The following CIZ1 variants were observed in gnomAD, a reference collection of about 807,000 sequenced individuals.
CIZ1 encodes the protein cip1-interacting zinc finger protein.
A neutral mutation model predicts 118.6 loss-of-function variants in CIZ1; 58 were observed. The observed-to-expected ratio is 0.49, with a 90% CI of 0.40 to 0.61. CIZ1 has a LOEUF of 0.61. CIZ1 is among the 20% of genes least tolerant of loss of function. The probability of loss-of-function intolerance (pLI) is 0.00; values close to 1 mark genes in which losing one functional copy is unlikely to be tolerated. For missense variants in CIZ1, 921 were observed against 1,115.9 expected (o/e 0.83, Z 2.49); for synonymous variants, 448 against 443.4 (o/e 1.01, Z -0.13).
Position 128,203,401 on chromosome 9 carries a change from G to A in CIZ1, c.-6+785C>T. On this transcript the variant is annotated intron_variant, in intron 1 of 17. Coordinates refer to the CIZ1 transcript ENST00000372948. This position sits in a 1 kb window ranked among gnomAD's most constrained non-coding sequence, Gnocchi z 5.3. The stretch of plus-strand genomic sequence containing the variant: ...GGCAGTCTGGGCGCGCGGCTGCAGC[G>A]GCGGAGCCGGAGTCGGAGCCGGGAG... 3.0e-6 allele frequency: 4 copies of A among 1,326,834 alleles called. No homozygotes were observed. Among genetic ancestry groups the A allele is most frequent in the Non-Finnish European group, 3.9e-6 (4 of 1,037,008 alleles). 82.2% of individuals were successfully genotyped at this position (1,326,834 alleles called of 1,614,324 possible).
intron 11 of CIZ1, among the ~76,000 whole-genome samples, chr9:128,172,744 G>C (rs1830302524): frequency 6.6e-6 from 1 of 152,076 alleles, no homozygotes; most frequent in Non-Finnish European, 1.5e-5. Context: ...AATGTAAACA[G>C]TGTTTATCTC....
chr9:128,180,254 T>G (rs1831405239), intron 7 of CIZ1, among the ~76,000 whole-genome samples, 161 bp downstream of exon 7: 1 of 152,076 alleles, frequency 6.6e-6, no homozygotes, highest in Non-Finnish European at 1.5e-5. Flanking sequence ...CCAGGTCAGG[T>G]GCGGAAATAA....
chr9:128,197,798 T>G (rs888975809), intron 1 of CIZ1: 18 of 152,286 alleles, frequency 1.2e-4, no homozygotes, highest in African/African-American at 4.1e-4. Flanking sequence ...GTAGCTCTCA[T>G]GATTCACAGT....
In CIZ1 at chr9:128,185,737, G is replaced by C. The variant is rs1000415989; in HGVS notation, c.398C>G (p.Ala133Gly). ...RGYGMASPGL[A>G]APSLTPPQLA... ...TTGTGGGGGTGTGAGGCTGGGGGCT[G>C]CGAGGCCTGGGGATGCCATGCCATA... The change falls in exon 5 of 17, where the codon GCA (alanine) becomes GGA (glycine). Residue 133 changes from alanine (A) to glycine (G), a missense_variant. Physicochemically the swap from Ala to Gly is moderately conservative, Grantham distance 60 (BLOSUM62 0). Transcript: ENST00000372938. 1 of 1,613,364 alleles carries C rather than the reference G, an allele frequency of 6.2e-7. No homozygotes were observed. Among genetic ancestry groups the C allele is most frequent in the Non-Finnish European group, 8.5e-7 (1 of 1,179,684 alleles).
intron 3 of CIZ1, among the ~76,000 whole-genome samples, chr9:128,189,821 T>C (rs916431915): frequency 4.0e-5 from 3 of 75,624 alleles, no homozygotes; most frequent in African/African-American, 1.9e-4. Flanking sequence ...CAAAACTCTG[T>C]CTCAAAAAAA....
chr9:128,174,167 ACC>A (rs1174587934), intron 11 of CIZ1, among the ~76,000 whole-genome samples: 1 of 151,918 alleles, frequency 6.6e-6, no homozygotes, highest in Non-Finnish European at 1.5e-5. Flanking sequence ...TCCTGGGAAC[ACC>A]CCCCTGCCTT....
At chr9:128,177,855 A>C in intron 9 of CIZ1, 92 bp from the exon 10 acceptor site, 2 of 859,902 alleles carry the variant, frequency 2.3e-6, no homozygotes, top group Admixed American at 2.8e-5. Flanking sequence ...GTCTCATCAG[A>C]TCTTCCTGAT....
chr9:128,177,818 G>T, intron 9 of CIZ1, 55 bp from the exon 10 acceptor site: 2 of 1,262,234 alleles, frequency 1.6e-6, no homozygotes, highest in Non-Finnish European at 2.2e-6. Flanking sequence ...TAGTGGGCCA[G>T]CCCAGCATTC....
chr9:128,178,962 G>C lies in CIZ1; in HGVS notation c.1245C>G (p.Pro415=), dbSNP rs755493610. The C allele has an allele frequency of 6.2e-7, 1 of 1,613,534 alleles. No homozygotes were observed. Among genetic ancestry groups the C allele is most frequent in the Non-Finnish European group, 8.5e-7 (1 of 1,179,926 alleles). The change falls in exon 8 of 17, where the codon CCC becomes CCG. Residue 415 remains proline, a synonymous_variant. Coordinates refer to ENST00000372938, the MANE Select transcript of CIZ1 (RefSeq NM_001131016.2). ...PQVQPQAHSQ[P]PRQVQLQLQK... is the part of the protein sequence containing the mutation. ...GCAGCTGCAGCTGCACCTGCCTTGG[G>C]GGCTGTGAATGTGCCTGGGGCTGCA... is the stretch of plus-strand genomic sequence containing the variant.
intron 2 of CIZ1, 75 bp downstream of exon 2, chr9:128,190,613 G>A (rs1833010406): frequency 2.7e-6 from 4 of 1,506,496 alleles, no homozygotes; most frequent in Non-Finnish European, 3.6e-6. Context: ...TGGGAAAAAG[G>A]ATGGGGATCG....
chr9:128,186,028 A>G (rs1832325511), intron 4 of CIZ1, among the ~76,000 whole-genome samples: 1 of 152,044 alleles, frequency 6.6e-6, no homozygotes, highest in South Asian at 2.1e-4. Flanking sequence ...AGCATTCCCC[A>G]AAACTCTGCT....
intron 5 of CIZ1, among the ~76,000 whole-genome samples, chr9:128,182,799 T>G (rs1454132903): frequency 1.3e-5 from 2 of 151,968 alleles, no homozygotes; most frequent in Non-Finnish European, 2.9e-5. Flanking sequence ...TTTTTTTTTT[T>G]CTTCCATAGA....
chr9:128,198,843 G>C lies in CIZ1; in HGVS notation c.-6+5343C>G, dbSNP rs887862615. ...GAGACTCCATCTCAAAAAAACAAAAGGGTTTTATTTTTTGTGCACTAAAAA... is the reference window on the plus strand; with the variant it reads ...GAGACTCCATCTCAAAAAAACAAAACGGTTTTATTTTTTGTGCACTAAAAA... On this transcript the variant is annotated intron_variant, in intron 1 of 17. Transcript: ENST00000372948. 2.0e-5 allele frequency among the ~76,000 whole-genome samples: 3 copies of C among 150,880 alleles called. 1 individual carries two copies. In the South Asian group the frequency reaches 6.3e-4, roughly 32 times the overall value.
upstream of CIZ1, among the ~76,000 whole-genome samples, chr9:128,194,766 C>T (rs1833335905): frequency 6.6e-6 from 1 of 152,044 alleles, no homozygotes; most frequent in African/African-American, 2.4e-5. Context: ...TGCAGTGAGC[C>T]AAGATCCCAT....
chr9:128,195,824 AT>A (rs1833364402), upstream of CIZ1, among the ~76,000 whole-genome samples: 2 of 152,214 alleles, frequency 1.3e-5, no homozygotes, highest in African/African-American at 4.8e-5. Context: ...ACTTCATAGA[AT>A]TTTGTCAAAC....
chr9:128,174,488 A>G (rs1255233124), intron 11 of CIZ1, among the ~76,000 whole-genome samples: 1 of 152,080 alleles, frequency 6.6e-6, no homozygotes, highest in Non-Finnish European at 1.5e-5. Flanking sequence ...CCACTAACCT[A>G]AGCCAGAAAC....
At chr9:128,168,829 C>T in intron 14 of CIZ1, 4 of 597,104 alleles carry the variant, frequency 6.7e-6, no homozygotes, top group South Asian at 4.0e-5. Context: ...TTCCTCCACA[C>T]AGGTCCAAAT....
At chr9:128,171,760 A>G (rs1351201958) in intron 11 of CIZ1, among the ~76,000 whole-genome samples, 2 of 151,870 alleles carry the variant, frequency 1.3e-5, no homozygotes, top group Non-Finnish European at 2.9e-5. Flanking sequence ...ATAAATAAAT[A>G]AAATAATACT....
chr9:128,198,974 A>G (rs533166559), intron 1 of CIZ1, among the ~76,000 whole-genome samples: 17 of 152,304 alleles, frequency 1.1e-4, no homozygotes, highest in African/African-American at 4.1e-4. Flanking sequence ...ACAACCGTCT[A>G]CATCTTGACT....
Sources: allele counts gnomAD v4.1 joint callset (sites outside exome capture counted in the v4.1 genomes callset), GRCh38; gene constraint gnomAD v4.1.1; non-coding constraint Gnocchi (gnomAD v3.1); transcripts MANE v1.5; gene names NCBI Gene and HGNC (gene_info 2026-07-23, HGNC 2026-07-21).